NAALADL2: variants seen among roughly 807,000 people sequenced by gnomAD.
The protein encoded by NAALADL2 is N-acetylated alpha-linked acidic dipeptidase like 2, also known as inactive N-acetylated-alpha-linked acidic dipeptidase-like protein 2.
NAALADL2 carries 76 observed loss-of-function variants against 87.2 expected under a neutral mutation model. The observed-to-expected ratio is 0.87, with a 90% CI of 0.72 to 1.05. The LOEUF is 1.05. Among genes scored for constraint, NAALADL2 ranks in the 50% least tolerant of loss-of-function variants. NAALADL2 has a pLI of 0.00. For missense variants in NAALADL2, 1,089 were observed against 945.8 expected, an observed-to-expected ratio of 1.15 and a Z score of -1.99; for synonymous variants, 354 against 331.0, an observed-to-expected ratio of 1.07 and a Z score of -0.75.
intron 1 of NAALADL2, among the ~76,000 whole-genome samples, chr3:174,910,298 G>A (rs1733532161): frequency 1.3e-5 from 2 of 152,088 alleles, no homozygotes; most frequent in Admixed American, 6.6e-5. Context: ...CTAACTTAAA[G>A]TCTTTGTGTG....
chr3:174,824,203 A>G (rs1194034958), intron 3 of NAALADL2, among the ~76,000 whole-genome samples: 1 of 152,208 alleles, frequency 6.6e-6, no homozygotes, highest in East Asian at 1.9e-4. Flanking sequence ...TTACATTAAA[A>G]TTATAACTGG....
intron 13 of NAALADL2, among the ~76,000 whole-genome samples, chr3:175,798,464 A>C (rs1753770599): frequency 6.6e-6 from 1 of 152,042 alleles, no homozygotes; most frequent in Admixed American, 6.6e-5. Flanking sequence ...AGCATATGGA[A>C]AATGTGTTTA....
At chr3:175,294,294 T>G (rs2110168031) in intron 4 of NAALADL2, among the ~76,000 whole-genome samples, 1 of 152,298 alleles carries the variant, frequency 6.6e-6, no homozygotes, top group South Asian at 2.1e-4. Flanking sequence ...TTATTTGCTC[T>G]CAAGCTTGCC....
chr3:175,731,339 G>C (rs1743714076), intron 11 of NAALADL2, among the ~76,000 whole-genome samples: 1 of 152,112 alleles, frequency 6.6e-6, no homozygotes, highest in African/African-American at 2.4e-5. Flanking sequence ...TACCTAGTAG[G>C]TGCTCCAGGA....
intron 11 of NAALADL2, among the ~76,000 whole-genome samples, chr3:175,694,176 G>C (rs1426076773): frequency 6.6e-6 from 1 of 151,894 alleles, no homozygotes; most frequent in African/African-American, 2.4e-5. Context: ...ATATTGGTTG[G>C]TACAATATAG....
intron 1 of NAALADL2, among the ~76,000 whole-genome samples, chr3:174,934,588 G>T (rs1051936827): frequency 3.3e-5 from 5 of 152,062 alleles, no homozygotes; most frequent in Admixed American, 6.6e-5. Flanking sequence ...GAGGCGGGAG[G>T]ATTGCTTTAG....
rs1491162200 is a variant in NAALADL2 at position 175,809,510 on chromosome 3, T to TC, written c.*6307_*6308insC. 7 of 34,390 alleles carry TC rather than the reference T, an allele frequency of 2.0e-4. No individual in the cohort carries two copies. Among genetic ancestry groups the TC allele is most frequent in the African/African-American group, 2.6e-4 (4 of 15,104 alleles). 2.1% of individuals were successfully genotyped at this position (34,390 alleles called of 1,614,324 possible). ...GCAACAAAGTGAGACCCTGTCTCTC[T>TC]TAAAAAAAAAAAAAAAAAAAAAAAA... On this transcript the variant is annotated 3_prime_UTR_variant, in exon 14 of 14. Coordinates refer to ENST00000454872, the MANE Select transcript of NAALADL2 (RefSeq NM_207015.3).
chr3:174,889,781 T>C (rs1428672692), intron 1 of NAALADL2, among the ~76,000 whole-genome samples: 2 of 152,208 alleles, frequency 1.3e-5, no homozygotes, highest in Non-Finnish European at 2.9e-5. Flanking sequence ...CCCTCCTTGA[T>C]ACCTGTATTT....
intron 1 of NAALADL2, among the ~76,000 whole-genome samples, chr3:174,503,191 G>T (rs7625864): frequency 3.3e-5 from 5 of 152,078 alleles, no homozygotes; most frequent in African/African-American, 1.2e-4. Flanking sequence ...GGCATCAAGG[G>T]ACATATAGGA....
chr3:174,963,581 A>C (rs959043183), intron 1 of NAALADL2, among the ~76,000 whole-genome samples: 2 of 152,138 alleles, frequency 1.3e-5, no homozygotes, highest in African/African-American at 2.4e-5. Flanking sequence ...CCCCATGTAC[A>C]TGACTTCAAG....
At chr3:175,744,129 T>C (rs1280863964) in intron 12 of NAALADL2, among the ~76,000 whole-genome samples, 1 of 152,152 alleles carries the variant, frequency 6.6e-6, no homozygotes, top group African/African-American at 2.4e-5. Flanking sequence ...AAAGAAAATA[T>C]TCTCAGAATA....
chr3:174,702,330 C>A (rs1413085269), intron 2 of NAALADL2, among the ~76,000 whole-genome samples: 2 of 151,892 alleles, frequency 1.3e-5, no homozygotes, highest in African/African-American at 4.8e-5. Context: ...TTTACTTTTT[C>A]TCATTCTCTC....
At chr3:175,139,580 C>T (rs1355848213) in intron 2 of NAALADL2, among the ~76,000 whole-genome samples, 2 of 151,954 alleles carry the variant, frequency 1.3e-5, no homozygotes, top group Non-Finnish European at 2.9e-5. Flanking sequence ...CTTAGTATCA[C>T]CTTCTTATAT....
chr3:174,709,139 A>T (rs570769536), intron 2 of NAALADL2, among the ~76,000 whole-genome samples: 14 of 152,218 alleles, frequency 9.2e-5, no homozygotes, highest in Admixed American at 2.0e-4. Context: ...AGGATTTGAG[A>T]TAACCTTGAA....
Position 174,868,611 on chromosome 3 carries a change from T to G in NAALADL2, c.43+9161T>G, listed in dbSNP as rs115532293. Among the ~76,000 whole-genome samples the G allele has an allele frequency of 5.8e-3, 871 of 151,310 alleles. 8 individuals carry two copies. The highest frequency in any genetic ancestry group is 9.4e-3 in the Admixed American group (143 of 15,134). ...ATTTGGGAGACACTTGAGGTTAAAT[T>G]GGTGTTTGCTTGTACTGAAGGAGGA... On this transcript the variant is annotated intron_variant, in intron 1 of 13. Coordinates refer to ENST00000454872, the MANE Select transcript of NAALADL2 (RefSeq NM_207015.3).
At chr3:175,788,818 ATTAT>A (rs1278450273) in intron 13 of NAALADL2, among the ~76,000 whole-genome samples, 1 of 152,200 alleles carries the variant, frequency 6.6e-6, no homozygotes, top group African/African-American at 2.4e-5. Context: ...ATCAAACATA[ATTAT>A]TTATGGAAAA....
At chr3:174,689,345 A>G (rs906581589) in intron 2 of NAALADL2, among the ~76,000 whole-genome samples, 3 of 151,462 alleles carry the variant, frequency 2.0e-5, no homozygotes, top group Admixed American at 2.0e-4. Context: ...CCACAAGAAT[A>G]CCAATTGTTT....
intron 3 of NAALADL2, among the ~76,000 whole-genome samples, chr3:174,805,813 A>G (rs1017856547): frequency 2.6e-5 from 4 of 152,224 alleles, no homozygotes; most frequent in Non-Finnish European, 5.9e-5. Context: ...TCATAAATAT[A>G]GAAGAAAAAT....
intron 10 of NAALADL2, among the ~76,000 whole-genome samples, chr3:175,596,252 G>A (rs1022685659): frequency 6.6e-6 from 1 of 151,830 alleles, no homozygotes; most frequent in Admixed American, 6.6e-5. Context: ...GTCTGCATAA[G>A]CTTTCCATGA....
Sources: allele counts gnomAD v4.1 joint callset (sites outside exome capture counted in the v4.1 genomes callset), GRCh38; gene constraint gnomAD v4.1.1; transcripts MANE v1.5; gene names NCBI Gene and HGNC (gene_info 2026-07-23, HGNC 2026-07-21).